SLC38A1: variants seen among roughly 807,000 people sequenced by gnomAD.
The protein encoded by SLC38A1 is sodium-coupled neutral amino acid symporter 1.
A neutral mutation model predicts 60.3 loss-of-function variants in SLC38A1; 18 were observed. That is an observed-to-expected ratio of 0.30 (90% CI 0.21 to 0.44). SLC38A1 has a LOEUF of 0.44. SLC38A1 is among the 20% of genes least tolerant of loss of function. The probability of loss-of-function intolerance (pLI) is 1.00; values close to 1 mark genes in which losing one functional copy is unlikely to be tolerated. For missense variants in SLC38A1, 448 were observed against 587.2 expected (o/e 0.76, Z 2.45); for synonymous variants, 196 against 212.1 (o/e 0.92, Z 0.66).
Position 46,198,716 on chromosome 12 carries a change from T to C in SLC38A1, c.1031A>G (p.Lys344Arg), listed in dbSNP as rs369929043. 16 of 1,612,520 alleles carry C rather than the reference T, an allele frequency of 9.9e-6. No individual in the cohort carries two copies. Among genetic ancestry groups the C allele is most frequent in the Non-Finnish European group, 1.1e-5 (13 of 1,179,446 alleles). ...YDNVQSDLLH[K>R]YQSKDDILIL... Reference sequence around the variant, plus strand: ...GAGAATGTCATCTTTACTCTGATATTTGTGAAGGAGGTCGGACTGCACGTT... The same window carrying C: ...GAGAATGTCATCTTTACTCTGATATCTGTGAAGGAGGTCGGACTGCACGTT... Residue 344 changes from lysine to arginine, a missense_variant, in exon 14 of 17, where the codon AAA becomes AGA. Physicochemically the swap from Lys to Arg is conservative, Grantham distance 26. This residue lies in a region of SLC38A1 where 346 missense variants were observed against 497.5 expected (regional missense o/e 0.70). Coordinates refer to ENST00000398637, the MANE Select transcript of SLC38A1 (RefSeq NM_030674.4).
chr12:46,224,413 C>G (rs1940784815), intron 5 of SLC38A1, among the ~76,000 whole-genome samples: 1 of 152,036 alleles, frequency 6.6e-6, no homozygotes, highest in South Asian at 2.1e-4. Flanking sequence ...GGGATGACAG[C>G]CATTATGGAT....
chr12:46,267,928 T>G (rs1194281828), intron 1 of SLC38A1, among the ~76,000 whole-genome samples: 3 of 152,136 alleles, frequency 2.0e-5, no homozygotes, highest in Non-Finnish European at 4.4e-5. Flanking sequence ...CTTTAGTAAT[T>G]TCTCCCCGCG....
intron 5 of SLC38A1, among the ~76,000 whole-genome samples, chr12:46,216,057 C>T (rs556174036): frequency 9.2e-5 from 14 of 152,166 alleles, no homozygotes; most frequent in Non-Finnish European, 1.9e-4. Context: ...TCTTTCTCCA[C>T]TCCTTTCTGC....
chr12:46,231,957 A>T (rs1941092937), intron 3 of SLC38A1, among the ~76,000 whole-genome samples: 3 of 152,188 alleles, frequency 2.0e-5, no homozygotes, highest in Non-Finnish European at 4.4e-5. Context: ...ACAATAAAAC[A>T]TTTTTAAATG....
chr12:46,243,532 A>G (rs1363760687), intron 1 of SLC38A1, among the ~76,000 whole-genome samples: 1 of 152,204 alleles, frequency 6.6e-6, no homozygotes. Flanking sequence ...CTGGACATTC[A>G]GACTGCTTGG....
At chr12:46,207,717 T>TA in intron 6 of SLC38A1, 96 bp from the exon 7 acceptor site, 1 of 1,174,606 alleles carries the variant, frequency 8.5e-7, no homozygotes, top group Admixed American at 1.8e-5. Flanking sequence ...TTCCCCAAGT[T>TA]ACTATGTGCC....
At chr12:46,247,703 C>A (rs1019506188) in intron 1 of SLC38A1, among the ~76,000 whole-genome samples, 10 of 152,116 alleles carry the variant, frequency 6.6e-5, no homozygotes, top group Non-Finnish European at 1.5e-4. Context: ...AGATAGTCTT[C>A]AAGAAGAGCA....
chr12:46,206,756 T>C (rs1021451719), intron 8 of SLC38A1, among the ~76,000 whole-genome samples: 2 of 152,200 alleles, frequency 1.3e-5, no homozygotes, highest in African/African-American at 4.8e-5. Context: ...TTTAATGAGG[T>C]TGGCTCATGT....
intron 1 of SLC38A1, among the ~76,000 whole-genome samples, chr12:46,261,961 T>C (rs1161264033): frequency 6.6e-6 from 1 of 152,154 alleles, no homozygotes; most frequent in East Asian, 1.9e-4. Context: ...GTAAACATCA[T>C]ACAATGCACA....
intron 1 of SLC38A1, among the ~76,000 whole-genome samples, chr12:46,261,547 C>A (rs530570968): frequency 7.9e-4 from 120 of 152,310 alleles, no homozygotes; most frequent in Middle Eastern, 6.8e-3. Context: ...GTGAGCATCA[C>A]AAACACCATC....
chr12:46,196,408 C>T, intron 16 of SLC38A1: 1 of 1,248,486 alleles, frequency 8.0e-7, no homozygotes, highest in Non-Finnish European at 1.1e-6. Context: ...GACCCTACTA[C>T]TAGTTTCATT....
At chr12:46,196,709 C>A (rs1468699818) in intron 16 of SLC38A1, among the ~76,000 whole-genome samples, 2 of 152,100 alleles carry the variant, frequency 1.3e-5, no homozygotes, top group Non-Finnish European at 2.9e-5. Flanking sequence ...GTAACAGGTA[C>A]AATTGCAGTG....
intron 5 of SLC38A1, among the ~76,000 whole-genome samples, chr12:46,214,132 A>G (rs1940300993): frequency 6.6e-6 from 1 of 152,218 alleles, no homozygotes; most frequent in South Asian, 2.1e-4. Flanking sequence ...TTTTCTCTAC[A>G]CTATTCCTTG....
At chr12:46,204,169 T>C (rs2137123292) in intron 11 of SLC38A1, 132 bp downstream of exon 11, 1 of 692,918 alleles carries the variant, frequency 1.4e-6, no homozygotes, top group South Asian at 1.7e-5. Flanking sequence ...CATAGATGTG[T>C]AATCTGGAAG....
intron 3 of SLC38A1, among the ~76,000 whole-genome samples, chr12:46,235,150 AAGAGAGGCAAGAAAC>A (rs368046547): frequency 0.013 from 2,043 of 152,330 alleles, 52 homozygotes; most frequent in African/African-American, 0.045. Context: ...GTACATTGTG[AAGAGAGGCAAGAAAC>A]AGAGAGGCAA....
At chr12:46,243,370 G>A (rs1355370096) in intron 1 of SLC38A1, 56 bp from the exon 2 acceptor site, 3 of 152,146 alleles carry the variant, frequency 2.0e-5, no homozygotes, top group Non-Finnish European at 4.4e-5. Context: ...TACAAAAATG[G>A]AAATGATACC....
At chr12:46,227,442 C>T (rs1159786353) in intron 5 of SLC38A1, among the ~76,000 whole-genome samples, 1 of 152,132 alleles carries the variant, frequency 6.6e-6, no homozygotes, top group Non-Finnish European at 1.5e-5. Flanking sequence ...CCTCAGTTTC[C>T]TTATCTGTGA....
chr12:46,240,766 G>A (rs1471185311), intron 2 of SLC38A1, among the ~76,000 whole-genome samples: 1 of 152,162 alleles, frequency 6.6e-6, no homozygotes, highest in Non-Finnish European at 1.5e-5. Context: ...CTTTATGTCA[G>A]GGAATTAGGG....
At chr12:46,229,377 G>C (rs1267568537) in intron 4 of SLC38A1, 109 bp from the exon 5 acceptor site, 2 of 848,834 alleles carry the variant, frequency 2.4e-6, no homozygotes, top group African/African-American at 3.4e-5. Context: ...TAAAATTCAA[G>C]AAAATCCATT....
Sources: allele counts gnomAD v4.1 joint callset (sites outside exome capture counted in the v4.1 genomes callset), GRCh38; gene constraint gnomAD v4.1.1; regional missense constraint gnomAD v4.1.1; transcripts MANE v1.5; gene names NCBI Gene and HGNC (gene_info 2026-07-23, HGNC 2026-07-21).